The following SLC44A1 variants were observed in gnomAD, a reference collection of about 807,000 sequenced individuals.
SLC44A1 encodes choline transporter-like protein 1.
SLC44A1 carries 26 observed loss-of-function variants against 79.3 expected under a neutral mutation model. That is an observed-to-expected ratio of 0.33 (90% CI 0.24 to 0.46). The LOEUF (loss-of-function observed/expected upper bound fraction) is 0.46. Ranked by LOEUF, SLC44A1 falls within the 20% of genes least tolerant of loss-of-function variation. The probability of loss-of-function intolerance (pLI) is 1.00; values close to 1 mark genes in which losing one functional copy is unlikely to be tolerated. For missense variants in SLC44A1, 688 were observed against 798.1 expected (o/e 0.86, Z 1.66); for synonymous variants, 263 against 286.2 (o/e 0.92, Z 0.82).
At chr9:105,351,008 A>G (rs954548292) in intron 5 of SLC44A1, among the ~76,000 whole-genome samples, 1 of 152,224 alleles carries the variant, frequency 6.6e-6, no homozygotes, top group African/African-American at 2.4e-5. Flanking sequence ...AAAGAGTTGT[A>G]TTTTATCCAA....
Position 105,260,111 on chromosome 9 carries a change from A to G in SLC44A1, c.36+15207A>G, listed in dbSNP as rs1272251675. ...GATTTCTCCCAAGTATGTGCTTCCA[A>G]AGCACCAGGGCTACAAGGTGTTCTG... is the stretch of plus-strand genomic sequence containing the variant. On this transcript the variant is annotated intron_variant, in intron 1 of 15. Transcript: ENST00000374720. Among the ~76,000 whole-genome samples, 3 of 152,314 alleles carry G rather than the reference A, an allele frequency of 2.0e-5. No homozygotes were observed. The East Asian group carries it at 5.8e-4, about 29-fold the overall frequency.
Position 105,390,109 on chromosome 9 carries a change from C to A in SLC44A1, c.*1053C>A. The A allele has an allele frequency of 8.0e-7, 1 of 1,250,614 alleles. No homozygotes were observed. The highest frequency in any genetic ancestry group is 3.7e-5 in the South Asian group (1 of 26,918). The allele number at this position is 1,250,614 out of a possible 1,614,324, so 77.5% of individuals were successfully genotyped here. Reference sequence around the variant, plus strand: ...AATTCATTGAGTATCCAGAGTTCTACGATGTTTAACTGAAGAATTGGCTAA... The same window carrying A: ...AATTCATTGAGTATCCAGAGTTCTAAGATGTTTAACTGAAGAATTGGCTAA... On this transcript the variant is annotated 3_prime_UTR_variant, in exon 16 of 16. Coordinates refer to ENST00000374720, the MANE Select transcript of SLC44A1 (RefSeq NM_080546.5).
At chr9:105,387,133 G>A (rs1168243545) in intron 15 of SLC44A1, among the ~76,000 whole-genome samples, 1 of 144,852 alleles carries the variant, frequency 6.9e-6, no homozygotes, top group Admixed American at 7.1e-5. Flanking sequence ...TTTGGAGGGA[G>A]GCAGGGAGGC....
chr9:105,399,371 A>C (rs1828926879), downstream of SLC44A1, among the ~76,000 whole-genome samples: 1 of 152,224 alleles, frequency 6.6e-6, no homozygotes, highest in Non-Finnish European at 1.5e-5. Flanking sequence ...AGTCAATCTC[A>C]GGTTGCATCC....
chr9:105,369,454 C>G (rs1828036954), intron 12 of SLC44A1, among the ~76,000 whole-genome samples: 1 of 151,996 alleles, frequency 6.6e-6, no homozygotes, highest in South Asian at 2.1e-4. Context: ...AGAGTAGAGC[C>G]CTCATGACCT....
intron 13 of SLC44A1, among the ~76,000 whole-genome samples, chr9:105,380,387 G>C (rs2131458395): frequency 6.6e-6 from 1 of 151,548 alleles, no homozygotes; most frequent in South Asian, 2.1e-4. Context: ...CTGGTTTTGT[G>C]CCCAGGCTGG....
chr9:105,289,690 AATTTTG>A (rs2131269798), intron 1 of SLC44A1, among the ~76,000 whole-genome samples: 1 of 152,280 alleles, frequency 6.6e-6, no homozygotes, highest in South Asian at 2.1e-4. Context: ...GACAATACCT[AATTTTG>A]ATTTAGAACA....
intron 15 of SLC44A1, among the ~76,000 whole-genome samples, chr9:105,425,170 A>G (rs952087841): frequency 6.6e-6 from 1 of 152,210 alleles, no homozygotes; most frequent in Non-Finnish European, 1.5e-5. Flanking sequence ...ACAACATTCT[A>G]TGTCAGTAAT....
At position 105,390,201 on chromosome 9, in the gene SLC44A1, A is replaced by G; in HGVS notation, c.*1145A>G. 1 of 1,152,718 alleles carries G rather than the reference A, an allele frequency of 8.7e-7. No homozygotes were observed. 71.4% of individuals were successfully genotyped at this position (1,152,718 alleles called of 1,614,324 possible). A position where few individuals can be genotyped will look rare whatever the true frequency, so the allele number is the denominator to read the frequency against. ...TGGGTTTGGGGTTTTTTGCTTTTTT[A>G]TTCCTGAAGCTTACCAGATATGAAT... On this transcript the variant is annotated 3_prime_UTR_variant, in exon 16 of 16. Coordinates refer to ENST00000374720, the MANE Select transcript of SLC44A1 (RefSeq NM_080546.5).
At chr9:105,320,661 G>T (rs13299679) in intron 3 of SLC44A1, among the ~76,000 whole-genome samples, 1,652 of 152,140 alleles carry the variant, frequency 0.011, 10 homozygotes, top group Non-Finnish European at 0.016. Flanking sequence ...ATTATAGCAC[G>T]CTACAGCCTC....
At chr9:105,360,642 A>G (rs77228747) in intron 7 of SLC44A1, among the ~76,000 whole-genome samples, 1,907 of 152,312 alleles carry the variant, frequency 0.013, 29 homozygotes, top group African/African-American at 0.043. Context: ...ACCCACCACT[A>G]TCAGAGATTT....
intron 15 of SLC44A1, among the ~76,000 whole-genome samples, chr9:105,427,150 C>T (rs551138440): frequency 7.9e-5 from 12 of 152,296 alleles, no homozygotes; most frequent in Admixed American, 6.5e-4. Context: ...CCAGGCTAGT[C>T]TTGAACTCCT....
In SLC44A1 at chr9:105,394,132, C is replaced by T; in HGVS notation, c.*5076C>T. On this transcript the variant is annotated 3_prime_UTR_variant, in exon 16 of 16. Coordinates refer to ENST00000374720, the MANE Select transcript of SLC44A1 (RefSeq NM_080546.5). ...GGGCCCTCAGACGGCCAGCTTCCAC[C>T]CCTGTACCCCCTCAGGGGCTAATGA... The T allele has an allele frequency of 1.0e-6, 1 of 985,384 alleles. No individual in the cohort carries two copies. The highest frequency in any genetic ancestry group is 1.2e-6 in the Non-Finnish European group (1 of 829,924). 61.0% of individuals were successfully genotyped at this position (985,384 alleles called of 1,614,324 possible). A position where few individuals can be genotyped will look rare whatever the true frequency, so the allele number is the denominator to read the frequency against.
chr9:105,383,355 TGATGG>T lies in SLC44A1; in HGVS notation c.1866_1869+1del. The stretch of plus-strand genomic sequence containing the variant: ...AGAGAATTCTATATGGATAAAGTGC[TGATGG>T]TAAGTACTTCAAATGCCGTTTCCTA... On this transcript the variant is annotated splice_donor_variant and coding_sequence_variant, in exon 14 of 16. Transcript: ENST00000374720. LOFTEE classifies it high-confidence loss of function. The T allele has an allele frequency of 1.3e-6, 2 of 1,551,328 alleles. No homozygotes were observed. Among genetic ancestry groups the T allele is most frequent in the Non-Finnish European group, 1.8e-6 (2 of 1,122,776 alleles).
chr9:105,249,429 T>C (rs1038805838), intron 1 of SLC44A1, among the ~76,000 whole-genome samples: 1 of 152,150 alleles, frequency 6.6e-6, no homozygotes, highest in Non-Finnish European at 1.5e-5. Flanking sequence ...TTTTCCTTCA[T>C]CTTCTGAATA....
chr9:105,408,988 A>C (rs1200031405), intron 15 of SLC44A1, among the ~76,000 whole-genome samples: 1 of 152,240 alleles, frequency 6.6e-6, no homozygotes, highest in Non-Finnish European at 1.5e-5. Flanking sequence ...AAAGGAAATG[A>C]GAATCAAAAT....
intron 3 of SLC44A1, among the ~76,000 whole-genome samples, chr9:105,316,665 A>G (rs1332488427): frequency 2.6e-5 from 4 of 152,208 alleles, no homozygotes; most frequent in Non-Finnish European, 5.9e-5. Flanking sequence ...TACATAGAGA[A>G]ATTATGACAG....
intron 1 of SLC44A1, among the ~76,000 whole-genome samples, chr9:105,296,318 A>G (rs1220825776): frequency 2.0e-5 from 3 of 152,130 alleles, no homozygotes; most frequent in Admixed American, 1.3e-4. Flanking sequence ...TCCACTTCTC[A>G]TTCCCAGTGA....
chr9:105,337,179 A>T (rs1364728077), intron 4 of SLC44A1, among the ~76,000 whole-genome samples: 6 of 152,112 alleles, frequency 3.9e-5, no homozygotes, highest in Admixed American at 3.3e-4. Flanking sequence ...AATTTTAGAC[A>T]ATGTGAGTAT....
Sources: allele counts gnomAD v4.1 joint callset (sites outside exome capture counted in the v4.1 genomes callset), GRCh38; gene constraint gnomAD v4.1.1; transcripts MANE v1.5; gene names NCBI Gene and HGNC (gene_info 2026-07-23, HGNC 2026-07-21).